Variants in CCNL2 observed in about 807,000 individuals in gnomAD.
CCNL2 encodes cyclin L2.
Under a neutral mutation model 59.1 loss-of-function variants are expected in CCNL2, and 28 were observed. The observed-to-expected ratio is 0.47, with a 90% confidence interval of 0.35 to 0.65. The LOEUF (loss-of-function observed/expected upper bound fraction) is 0.65, where lower values mean the gene tolerates loss of function less well. Among genes scored for constraint, CCNL2 ranks in the 30% least tolerant of loss-of-function variants. The probability of loss-of-function intolerance (pLI) is 0.00; values close to 1 mark genes in which losing one functional copy is unlikely to be tolerated. For synonymous variants in CCNL2, 342 were observed against 288.6 expected (o/e 1.19, Z -1.88); for missense variants, 714 against 717.4 (o/e 1.00, Z 0.05).
intron 5 of CCNL2, 100 bp from the exon 6 acceptor site, chr1:1,390,965 C>A (rs992101049): frequency 8.8e-6 from 9 of 1,025,390 alleles, no homozygotes; most frequent in Admixed American, 5.9e-5. Context: ...TACTACTCCT[C>A]TAAGGAGTCT....
intron 5 of CCNL2, chr1:1,391,739 T>C (rs774518321): frequency 1.0e-4 from 38 of 376,746 alleles, no homozygotes; most frequent in Admixed American, 1.9e-4. Flanking sequence ...AGTTAAAGCA[T>C]TTAAAACCTG....
chr1:1,387,382 C>T lies in CCNL2; in HGVS notation c.1412G>A (p.Ser471Asn). ...SRSRSSSRSRSRSRERADNPG... is the reference protein window; with the variant it reads ...SRSRSSSRSRNRSRERADNPG... ...ATTATCCGCCCGCTCCCGTGACCTG[C>T]TTCGAGAACGGGAAGAACTCCGGCT... Residue 471 changes from serine to asparagine, a missense_variant, in exon 11 of 11, where the codon AGC becomes AAC. Physicochemically the swap from Ser to Asn is conservative, Grantham distance 46. Around this residue, in one of 5 missense-constraint regions of CCNL2, gnomAD observed 403 missense variants for 377.7 expected, o/e 1.07. Transcript: ENST00000400809. 1 of 1,614,202 alleles carries T rather than the reference C, an allele frequency of 6.2e-7. No individual in the cohort carries two copies. The highest frequency in any genetic ancestry group is 8.5e-7 in the Non-Finnish European group (1 of 1,180,042).
At chr1:1,394,122 C>G (rs1644887366) in intron 4 of CCNL2, among the ~76,000 whole-genome samples, 1 of 147,278 alleles carries the variant, frequency 6.8e-6, no homozygotes, top group African/African-American at 2.5e-5. Flanking sequence ...GAGATTCCGT[C>G]TCCAAAAAAA....
Position 1,390,291 on chromosome 1 carries a change from C to T in CCNL2, c.945G>A (p.Leu315=). The T allele has an allele frequency of 6.2e-7, 1 of 1,613,856 alleles. No homozygotes were observed. The highest frequency in any genetic ancestry group is 8.5e-7 in the Non-Finnish European group (1 of 1,179,802). The change falls in exon 8 of 11, where the codon CTG becomes CTA. Residue 315 remains leucine, a synonymous_variant. Transcript: ENST00000400809. ...CCAGCACCTGTGTGCCCCCAGGCAA[C>T]AGGCCCCGGGCTTGGGCCTTTGCCT... ...IEEAKAQARG[L]LPGGTQVLDG... is the part of the protein sequence containing the mutation.
intron 5 of CCNL2, chr1:1,393,058 C>T: frequency 3.3e-6 from 2 of 598,610 alleles, no homozygotes; most frequent in Non-Finnish European, 5.9e-6. Flanking sequence ...AGTGGAGAAA[C>T]AGACCAAGTC....
At chr1:1,393,198 G>C (rs773290259) in intron 5 of CCNL2, 198 bp downstream of exon 5, 1 of 599,862 alleles carries the variant, frequency 1.7e-6, no homozygotes. Context: ...TGCAGGGAGG[G>C]GACGGGCCAC....
chr1:1,388,470 G>C (rs983389186), intron 8 of CCNL2: 2 of 451,976 alleles, frequency 4.4e-6, no homozygotes, highest in Admixed American at 4.8e-5. Context: ...ACAGTGAGCC[G>C]AGATCACGCC....
rs766431813 is a variant in CCNL2 at position 1,398,168 on chromosome 1, G to A, written c.473+65C>T. ...TGTATTGTGTTATACAAGCCTTACTGTAACTTAATCAGAAATAAAGAAAAT... is the reference window on the plus strand; with the variant it reads ...TGTATTGTGTTATACAAGCCTTACTATAACTTAATCAGAAATAAAGAAAAT... On this transcript the variant is annotated intron_variant, in intron 3 of 10. Coordinates refer to ENST00000400809, the MANE Select transcript of CCNL2 (RefSeq NM_030937.6). 16 of 1,484,612 alleles carry A rather than the reference G, an allele frequency of 1.1e-5. 1 individual carries two copies. The highest frequency in any genetic ancestry group is 4.2e-5 in the African/African-American group (3 of 72,058). The allele number at this position is 1,484,612 out of a possible 1,614,324, so 92.0% of individuals were successfully genotyped here.
chr1:1,393,247 G>T, intron 5 of CCNL2, 149 bp downstream of exon 5: 1 of 683,990 alleles, frequency 1.5e-6, no homozygotes, highest in Non-Finnish European at 2.6e-6. Context: ...GAGTCTGATT[G>T]GAATTTATAC....
At position 1,387,962 on chromosome 1, in the gene CCNL2, G is replaced by A. The variant is rs762990432; in HGVS notation, c.1110C>T (p.Pro370=). 45 of 1,613,888 alleles carry A rather than the reference G, an allele frequency of 2.8e-5. No homozygotes were observed. Among genetic ancestry groups the A allele is most frequent in the South Asian group, 1.1e-4 (10 of 91,088 alleles). ...CAGCCCTGGGGTCCTACCCGTTCACGGGGCTGTCCGCCTTGGCTTTCTTGG... is the reference window on the plus strand; with the variant it reads ...CAGCCCTGGGGTCCTACCCGTTCACAGGGCTGTCCGCCTTGGCTTTCTTGG... ...EGAKKAKADS[P]VNGLPKGRES... is the part of the protein sequence containing the mutation. Residue 370 remains proline, a synonymous_variant, in exon 9 of 11, where the codon CCC becomes CCT. Coordinates refer to ENST00000400809, the MANE Select transcript of CCNL2 (RefSeq NM_030937.6).
At chr1:1,397,590 G>A (rs998265042) in intron 3 of CCNL2, among the ~76,000 whole-genome samples, 6 of 152,158 alleles carry the variant, frequency 3.9e-5, no homozygotes, top group Non-Finnish European at 2.9e-5. Context: ...AGCCAGATGC[G>A]GTGGCTGAAA....
chr1:1,398,746 G>T, intron 1 of CCNL2, 75 bp from the exon 2 acceptor site: 1 of 1,368,798 alleles, frequency 7.3e-7, no homozygotes, highest in Non-Finnish European at 1.0e-6. Context: ...ATCGAGTAAC[G>T]TGGGACTCCC....
At chr1:1,396,342 CTA>C (rs1645019975) in intron 3 of CCNL2, among the ~76,000 whole-genome samples, 1 of 151,274 alleles carries the variant, frequency 6.6e-6, no homozygotes, top group Non-Finnish European at 1.5e-5. Context: ...TCTTGGCTCA[CTA>C]TAACCTCCAC....
chr1:1,394,247 T>C (rs1302322074), intron 4 of CCNL2, among the ~76,000 whole-genome samples: 2 of 151,814 alleles, frequency 1.3e-5, no homozygotes, highest in Non-Finnish European at 2.9e-5. Flanking sequence ...GAACCAAAGA[T>C]GGAAACAATT....
intron 5 of CCNL2, chr1:1,392,527 C>A (rs1644815147): frequency 2.5e-5 from 33 of 1,335,962 alleles, no homozygotes; most frequent in Non-Finnish European, 3.2e-5. Context: ...CTTTATCATA[C>A]AGGTACAGCA....
intron 10 of CCNL2, 48 bp downstream of exon 10, chr1:1,387,729 C>T: frequency 2.6e-6 from 4 of 1,524,182 alleles, no homozygotes; most frequent in Non-Finnish European, 3.6e-6. Context: ...CCCCGAGGGA[C>T]AGCCCCACCC....
chr1:1,392,141 CT>C (rs1321039023), intron 5 of CCNL2: 1 of 254,786 alleles, frequency 3.9e-6, no homozygotes, highest in Non-Finnish European at 6.2e-6. Context: ...GCCCCAGCCC[CT>C]GATGCAAGCG....
In CCNL2 at chr1:1,399,218, G is replaced by A. The variant is rs1249544249; in HGVS notation, c.89C>T (p.Ser30Leu). 5.5e-5 allele frequency: 88 copies of A among 1,602,764 alleles called. No individual in the cohort carries two copies. The highest frequency in any genetic ancestry group is 7.4e-5 in the Non-Finnish European group (87 of 1,176,026). The change falls in exon 1 of 11, where the codon TCA (serine) becomes TTA (leucine). Residue 30 changes from serine to leucine, a missense_variant. Ser to Leu is a moderately radical substitution (Grantham distance 145, BLOSUM62 -2). This residue lies in a region of CCNL2 where 270 missense variants were observed against 254.9 expected (regional missense o/e 1.06). Coordinates refer to ENST00000400809, the MANE Select transcript of CCNL2 (RefSeq NM_030937.6). ...CCCGATCAGCACCCCCTGCGACCCTGAGGGTGCGCCCCCAGATCCCGGGGC... is the reference window on the plus strand; with the variant it reads ...CCCGATCAGCACCCCCTGCGACCCTAAGGGTGCGCCCCCAGATCCCGGGGC... ...AGAPGSGGAP[S>L]GSQGVLIGDR...
chr1:1,396,757 A>T (rs532056593), intron 3 of CCNL2, among the ~76,000 whole-genome samples: 1,213 of 117,418 alleles, frequency 0.01, 19 homozygotes, highest in African/African-American at 0.036. Flanking sequence ...TTTTTTTTTT[A>T]TTTTTTTTTG....
Sources: gnomAD v4.1 joint callset for allele counts (sites outside exome capture counted in the v4.1 genomes callset) on GRCh38, gnomAD v4.1.1 for gene constraint, gnomAD v4.1.1 regional missense constraint, MANE v1.5 for transcripts, NCBI Gene and HGNC (gene_info 2026-07-23, HGNC 2026-07-21) for gene names.